The following ZNF831 variants were observed in gnomAD, a reference collection of about 807,000 sequenced individuals.
ZNF831 encodes the protein chromosome 20 open reading frame 174.
ZNF831 carries 59 observed loss-of-function variants against 95.8 expected under a neutral mutation model. That is an observed-to-expected ratio of 0.62 (90% CI 0.50 to 0.77). The LOEUF (loss-of-function observed/expected upper bound fraction) is 0.77, where lower values mean the gene tolerates loss of function less well. Ranked by LOEUF, ZNF831 falls within the 30% of genes least tolerant of loss-of-function variation. The probability of loss-of-function intolerance (pLI) is 0.00; values close to 1 mark genes in which losing one functional copy is unlikely to be tolerated. For missense variants in ZNF831, 2,205 were observed against 2,164.0 expected (o/e 1.02, Z -0.38); for synonymous variants, 961 against 925.5 (o/e 1.04, Z -0.70).
At chr20:59,151,675 G>A (rs2146457591) in intron 2 of ZNF831, among the ~76,000 whole-genome samples, 1 of 152,330 alleles carries the variant, frequency 6.6e-6, no homozygotes, top group Middle Eastern at 3.4e-3. Context: ...TCTGAAGAGA[G>A]CACTGTTTTG....
In ZNF831 at chr20:59,210,305, C is replaced by T. The variant is rs528831481; in HGVS notation, c.4027+3249C>T. Among the ~76,000 whole-genome samples the T allele has an allele frequency of 5.9e-4, 90 of 152,342 alleles. 1 individual carries two copies. The highest frequency in any genetic ancestry group is 3.2e-4 in the Non-Finnish European group (22 of 68,038). ...TTGTCCAAGTGACCACGGGTAGCCTCGATGCTGATAGCTATGGGGCCCACT... is the reference window on the plus strand; with the variant it reads ...TTGTCCAAGTGACCACGGGTAGCCTTGATGCTGATAGCTATGGGGCCCACT... On this transcript the variant is annotated intron_variant, in intron 4 of 5. Transcript: ENST00000371030.
At position 59,169,507 on chromosome 20, in the gene ZNF831, T is replaced by C. The variant is rs1981555477; in HGVS notation, c.-37+5300T>C. 6.6e-6 allele frequency among the ~76,000 whole-genome samples: 1 copy of C among 152,242 alleles called. No homozygotes were observed. Among genetic ancestry groups the C allele is most frequent in the African/African-American group, 2.4e-5 (1 of 41,468 alleles). ...TAGGCTGGGCACAGTGGCTCATGCC[T>C]ATAATCCCAGCACTTTGGGAGGCTG... On this transcript the variant is annotated intron_variant, in intron 1 of 5. Coordinates refer to ENST00000371030, the MANE Select transcript of ZNF831 (RefSeq NM_178457.3). The surrounding 1 kb of genome is among the most constrained non-coding windows in gnomAD (Gnocchi z 4.1).
At chr20:59,125,660 A>G (rs1979150148) in intron 1 of ZNF831, among the ~76,000 whole-genome samples, 1 of 152,222 alleles carries the variant, frequency 6.6e-6, no homozygotes. Flanking sequence ...AGCTGTGTCA[A>G]GGAATTGGGG....
chr20:59,168,184 A>G (rs572287120), intron 1 of ZNF831, among the ~76,000 whole-genome samples: 11 of 152,226 alleles, frequency 7.2e-5, no homozygotes, highest in Non-Finnish European at 1.3e-4. Flanking sequence ...TTTAGGGAGA[A>G]TTGACATTTT....
In ZNF831 at chr20:59,254,822, A is replaced by G; in HGVS notation, c.*79A>G. 1 of 1,517,426 alleles carries G rather than the reference A, an allele frequency of 6.6e-7. No homozygotes were observed. Among genetic ancestry groups the G allele is most frequent in the Non-Finnish European group, 8.8e-7 (1 of 1,134,484 alleles). 94.0% of individuals were successfully genotyped at this position (1,517,426 alleles called of 1,614,324 possible). Reference sequence around the variant, plus strand: ...TAAATGTTGTCAGGCTGGCGGAAGAACTAAACTCTATCTGTGAAACACCTA... The same window carrying G: ...TAAATGTTGTCAGGCTGGCGGAAGAGCTAAACTCTATCTGTGAAACACCTA... On this transcript the variant is annotated 3_prime_UTR_variant, in exon 6 of 6. Transcript: ENST00000371030. The surrounding 1 kb of genome is among the most constrained non-coding windows in gnomAD (Gnocchi z 4.5).
chr20:59,134,591 C>T (rs892317913), intron 1 of ZNF831, among the ~76,000 whole-genome samples: 1 of 152,156 alleles, frequency 6.6e-6, no homozygotes, highest in Non-Finnish European at 1.5e-5. Context: ...AAGAGAAACC[C>T]AGCGGTCCCA....
At chr20:59,177,334 T>A (rs941530413) in intron 1 of ZNF831, among the ~76,000 whole-genome samples, 4 of 152,160 alleles carry the variant, frequency 2.6e-5, no homozygotes, top group African/African-American at 7.2e-5. Context: ...AGAAAGAATT[T>A]AAAAAAATAT....
chr20:59,207,917 C>T (rs773081914), intron 4 of ZNF831, among the ~76,000 whole-genome samples: 4 of 152,228 alleles, frequency 2.6e-5, no homozygotes, highest in Non-Finnish European at 4.4e-5. Flanking sequence ...GGCAACTCTG[C>T]CTCCACCTTT....
At position 59,192,809 on chromosome 20, in the gene ZNF831, C is replaced by T. The variant is rs1983716103; in HGVS notation, c.1790C>T (p.Ala597Val). 6.2e-7 allele frequency: 1 copy of T among 1,611,220 alleles called. No homozygotes were observed. The highest frequency in any genetic ancestry group is 8.5e-7 in the Non-Finnish European group (1 of 1,179,052). The stretch of plus-strand genomic sequence containing the variant: ...AGAACTGCTGCGCGGGAGGCCATGG[C>T]CGGCAAGGGCAGAGCGGGCGGCAGG... ...AKRTAAREAM[A>V]GKGRAGGRKC... is the part of the protein sequence containing the mutation. The change falls in exon 2 of 6, where the codon GCC becomes GTC. Residue 597 changes from alanine to valine, a missense_variant. By Grantham distance (64) the Ala-to-Val change is moderately conservative. Transcript: ENST00000371030. This position sits in a 1 kb window ranked among gnomAD's most constrained non-coding sequence, Gnocchi z 5.2.
intron 4 of ZNF831, among the ~76,000 whole-genome samples, chr20:59,207,909 C>T (rs1293235436): frequency 2.0e-5 from 3 of 152,222 alleles, no homozygotes; most frequent in African/African-American, 7.2e-5. Context: ...TTTGCTGGGG[C>T]AACTCTGCCT....
chr20:59,229,958 G>A (rs1055919624), intron 4 of ZNF831, among the ~76,000 whole-genome samples: 6 of 152,118 alleles, frequency 3.9e-5, no homozygotes, highest in Non-Finnish European at 8.8e-5. Context: ...ATTCTAGAGG[G>A]GCACTAAACA....
At chr20:59,165,756 T>G (rs1981208975) in intron 1 of ZNF831, among the ~76,000 whole-genome samples, 1 of 152,142 alleles carries the variant, frequency 6.6e-6, no homozygotes, top group Non-Finnish European at 1.5e-5. Flanking sequence ...TTTTTCTTCT[T>G]TTTTTCTTTT....
At chr20:59,189,898 A>C (rs1601360574) in intron 1 of ZNF831, among the ~76,000 whole-genome samples, 1 of 152,138 alleles carries the variant, frequency 6.6e-6, no homozygotes, top group Non-Finnish European at 1.5e-5. Flanking sequence ...GGAGCTGGGG[A>C]TGGGTGAAAT....
chr20:59,228,264 G>C (rs1986535977), intron 4 of ZNF831, among the ~76,000 whole-genome samples: 1 of 152,162 alleles, frequency 6.6e-6, no homozygotes, highest in Admixed American at 6.5e-5. Context: ...GCTGGTTTGA[G>C]CCAGGCTCAG....
intron 4 of ZNF831, among the ~76,000 whole-genome samples, chr20:59,229,211 A>G (rs1156488898): frequency 6.6e-6 from 1 of 152,226 alleles, no homozygotes; most frequent in African/African-American, 2.4e-5. Flanking sequence ...TCATCCAGGT[A>G]TGGGCTCTTA....
chr20:59,128,164 A>T (rs1979236928), intron 1 of ZNF831, among the ~76,000 whole-genome samples: 1 of 152,252 alleles, frequency 6.6e-6, no homozygotes, highest in African/African-American at 2.4e-5. Context: ...GATTGTGACA[A>T]ATGCCACAAA....
chr20:59,166,852 G>A (rs1014060502), intron 1 of ZNF831, among the ~76,000 whole-genome samples: 2 of 152,250 alleles, frequency 1.3e-5, no homozygotes, highest in Admixed American at 6.5e-5. Flanking sequence ...CTGGGCTGAT[G>A]CCAATTTTTG....
chr20:59,211,852 T>C lies in ZNF831; in HGVS notation c.4027+4796T>C, dbSNP rs150965317. On this transcript the variant is annotated intron_variant, in intron 4 of 5. Transcript: ENST00000371030. ...GTGTTTTTTTCTTTCTGAGGAGAGATGACCTGTTTTCCATGGCAGGACAAT... is the reference window on the plus strand; with the variant it reads ...GTGTTTTTTTCTTTCTGAGGAGAGACGACCTGTTTTCCATGGCAGGACAAT... 8.5e-5 allele frequency among the ~76,000 whole-genome samples: 13 copies of C among 152,112 alleles called. No individual in the cohort carries two copies. In the South Asian group the frequency reaches 2.5e-3, roughly 29 times the overall value.
chr20:59,154,587 G>C (rs117470987), intron 2 of ZNF831, among the ~76,000 whole-genome samples: 21 of 152,162 alleles, frequency 1.4e-4, no homozygotes, highest in Admixed American at 3.3e-4. Flanking sequence ...ACTTTCTCTC[G>C]GAGACAAGTC....
Sources: gnomAD v4.1 joint callset for allele counts (sites outside exome capture counted in the v4.1 genomes callset) on GRCh38, gnomAD v4.1.1 for gene constraint, Gnocchi (gnomAD v3.1) non-coding constraint, MANE v1.5 for transcripts, NCBI Gene and HGNC (gene_info 2026-07-23, HGNC 2026-07-21) for gene names.